The following NTM variants were observed in gnomAD, a reference collection of about 807,000 sequenced individuals.
The protein encoded by NTM is neurotrimin, also known as IgLON family member 2.
A neutral mutation model predicts 42.1 loss-of-function variants in NTM; 13 were observed. The ratio of observed to expected loss-of-function variants is 0.31; its 90% CI spans 0.20 to 0.49. The LOEUF (loss-of-function observed/expected upper bound fraction) is 0.49, where lower values mean the gene tolerates loss of function less well. Among genes scored for constraint, NTM ranks in the 20% least tolerant of loss-of-function variants. The pLI is 0.99. For missense variants in NTM, 373 were observed against 452.8 expected (o/e 0.82, Z 1.60); for synonymous variants, 187 against 179.2 (o/e 1.04, Z -0.35).
intron 3 of NTM, among the ~76,000 whole-genome samples, chr11:132,148,816 T>C (rs1265666801): frequency 1.3e-5 from 2 of 152,030 alleles, no homozygotes; most frequent in Admixed American, 1.3e-4. Flanking sequence ...GGTGAGATGA[T>C]GGGAGGGGGT....
intron 1 of NTM, among the ~76,000 whole-genome samples, chr11:131,466,087 A>G (rs990730781): frequency 6.6e-6 from 1 of 152,246 alleles, no homozygotes; most frequent in African/African-American, 2.4e-5. Context: ...GGAGAAGAGC[A>G]GCATGTGAGC....
chr11:131,704,969 T>C (rs948386544), intron 1 of NTM, among the ~76,000 whole-genome samples: 5 of 152,060 alleles, frequency 3.3e-5, no homozygotes, highest in Non-Finnish European at 7.4e-5. Flanking sequence ...CAAAACCCTC[T>C]AGGACTTACA....
At chr11:131,859,241 AAG>A (rs2046387884) in intron 1 of NTM, among the ~76,000 whole-genome samples, 1 of 152,208 alleles carries the variant, frequency 6.6e-6, no homozygotes, top group Non-Finnish European at 1.5e-5. Context: ...TGTGTCATCT[AAG>A]AGTGCTCTAA....
intron 7 of NTM, chr11:132,317,706 GCTTT>G (rs1311721180): frequency 7.7e-7 from 1 of 1,301,400 alleles, no homozygotes; most frequent in East Asian, 5.6e-5. Context: ...TATCTTCCTT[GCTTT>G]ATGTTTTGTC....
Position 132,276,043 on chromosome 11 carries a change from A to G in NTM, c.527-31646A>G, listed in dbSNP as rs542452062. ...ACGACTGTTCTACTGTTTCTGTGAT[A>G]TTGACTTTTAATTTTTTTTTTAGAT... On this transcript the variant is annotated intron_variant, in intron 4 of 8. Coordinates refer to ENST00000683400, the MANE Select transcript of NTM (RefSeq NM_001352005.2). 1.3e-4 allele frequency among the ~76,000 whole-genome samples: 19 copies of G among 151,646 alleles called. No individual in the cohort carries two copies. In the East Asian group the frequency reaches 2.9e-3, roughly 23 times the overall value.
intron 1 of NTM, chr11:131,573,745 T>C (rs895422945): frequency 6.6e-6 from 1 of 152,250 alleles, no homozygotes; most frequent in Non-Finnish European, 1.5e-5. Flanking sequence ...CCCCGTACTG[T>C]CTCTCCATGG....
intron 1 of NTM, among the ~76,000 whole-genome samples, chr11:131,686,672 A>C (rs1189607780): frequency 6.6e-6 from 1 of 152,166 alleles, no homozygotes; most frequent in African/African-American, 2.4e-5. Flanking sequence ...CATGTTGTTC[A>C]AGGGTCAACC....
intron 2 of NTM, among the ~76,000 whole-genome samples, chr11:131,913,056 T>C (rs2055540843): frequency 6.6e-6 from 1 of 152,220 alleles, no homozygotes; most frequent in Admixed American, 6.5e-5. Context: ...TCCACTCTTC[T>C]GAGCAAAAAT....
chr11:131,716,193 C>T (rs1409981361), intron 1 of NTM, among the ~76,000 whole-genome samples: 1 of 152,136 alleles, frequency 6.6e-6, no homozygotes, highest in African/African-American at 2.4e-5. Flanking sequence ...TTCGCCTGGG[C>T]CTTTTTTATA....
intron 1 of NTM, among the ~76,000 whole-genome samples, chr11:131,829,981 T>A (rs1409313516): frequency 6.6e-6 from 1 of 152,208 alleles, no homozygotes; most frequent in Non-Finnish European, 1.5e-5. Context: ...TTGTATGTAT[T>A]CTTTTGAGAA....
intron 1 of NTM, among the ~76,000 whole-genome samples, chr11:131,670,358 A>G (rs942539080): frequency 6.6e-6 from 1 of 150,648 alleles, no homozygotes; most frequent in Non-Finnish European, 1.5e-5. Flanking sequence ...TCTCTCTCTT[A>G]CTTTCTTCCT....
intron 1 of NTM, among the ~76,000 whole-genome samples, chr11:131,867,914 T>G (rs2047389767): frequency 6.6e-6 from 1 of 152,174 alleles, no homozygotes; most frequent in Non-Finnish European, 1.5e-5. Context: ...CCAGCTGTTT[T>G]GGTTTGCTGG....
chr11:131,921,905 G>A (rs565893914), intron 2 of NTM, among the ~76,000 whole-genome samples: 29 of 151,630 alleles, frequency 1.9e-4, no homozygotes, highest in Non-Finnish European at 3.2e-4. Flanking sequence ...GCCATGCATC[G>A]TTTTCTAGAT....
chr11:132,018,121 GTCTC>G (rs1411351796), intron 2 of NTM, among the ~76,000 whole-genome samples: 3 of 151,244 alleles, frequency 2.0e-5, no homozygotes, highest in African/African-American at 4.8e-5. Flanking sequence ...CTCTCCCTCT[GTCTC>G]TCTGTCTCTC....
intron 1 of NTM, among the ~76,000 whole-genome samples, chr11:131,397,000 C>T (rs1944637354): frequency 6.6e-6 from 1 of 152,070 alleles, no homozygotes; most frequent in Non-Finnish European, 1.5e-5. Context: ...TATTGCTTTC[C>T]TGTGAGTCTT....
intron 4 of NTM, among the ~76,000 whole-genome samples, chr11:132,273,838 CAG>C (rs1297660420): frequency 1.3e-5 from 2 of 152,112 alleles, no homozygotes; most frequent in East Asian, 3.9e-4. Flanking sequence ...ACCTGAGAGA[CAG>C]AGGTTGCAGT....
At chr11:131,406,514 A>T (rs1945826748) in intron 1 of NTM, among the ~76,000 whole-genome samples, 1 of 152,196 alleles carries the variant, frequency 6.6e-6, no homozygotes, top group African/African-American at 2.4e-5. Flanking sequence ...TCCCCAGTGG[A>T]TGTCTGAAAC....
intron 1 of NTM, among the ~76,000 whole-genome samples, chr11:131,898,823 A>T (rs1261826157): frequency 6.6e-6 from 1 of 152,196 alleles, no homozygotes; most frequent in Non-Finnish European, 1.5e-5. Flanking sequence ...TCTTCAGGAA[A>T]TGAAATTGAA....
At chr11:131,426,119 C>G (rs549560381) in intron 1 of NTM, among the ~76,000 whole-genome samples, 123 of 152,250 alleles carry the variant, frequency 8.1e-4, no homozygotes, top group African/African-American at 2.6e-3. Context: ...GAGGCGTATG[C>G]TTCAAGCTCC....
Sources: gnomAD v4.1 joint callset for allele counts (sites outside exome capture counted in the v4.1 genomes callset) on GRCh38, gnomAD v4.1.1 for gene constraint, MANE v1.5 for transcripts, NCBI Gene and HGNC (gene_info 2026-07-23, HGNC 2026-07-21) for gene names.